The following SMG1 variants were observed in gnomAD, a reference collection of about 807,000 sequenced individuals.
SMG1 encodes serine/threonine-protein kinase SMG1.
In SMG1, 22 loss-of-function variants were observed where a neutral mutation model predicts 419.9. The observed-to-expected ratio is 0.05, with a 90% CI of 0.04 to 0.07. SMG1 has a LOEUF of 0.07. Among genes scored for constraint, SMG1 ranks in the 10% least tolerant of loss-of-function variants. The pLI, the probability that SMG1 is intolerant of heterozygous loss-of-function variation, is 1.00. For missense variants in SMG1, 3,185 were observed against 4,342.0 expected, an observed-to-expected ratio of 0.73 and a Z score of 7.49; for synonymous variants, 1,538 against 1,553.5, an observed-to-expected ratio of 0.99 and a Z score of 0.23.
At chr16:18,864,881 G>T (rs1018328158) in intron 23 of SMG1, among the ~76,000 whole-genome samples, 1 of 152,178 alleles carries the variant, frequency 6.6e-6, no homozygotes, top group African/African-American at 2.4e-5. Context: ...ATGGTGGGGG[G>T]AGGTTTGATG....
At position 18,847,578 on chromosome 16, in the gene SMG1, C is replaced by T. The variant is rs1477601889; in HGVS notation, c.5871G>A (p.Arg1957=). The change falls in exon 38 of 63, where the codon AGG becomes AGA. Residue 1957 remains arginine (R), a synonymous_variant. Transcript: ENST00000446231. ...AGAGCTCATCCCAGAGCACAGTGAC[C>T]CTGCGCAGTTCAGCCACGAGCATCT... ...QVQMLVAELR[R]VTVLWDELWL... The T allele has an allele frequency of 2.5e-6, 4 of 1,613,964 alleles. No individual in the cohort carries two copies. The highest frequency in any genetic ancestry group is 3.4e-6 in the Non-Finnish European group (4 of 1,179,888).
At chr16:18,878,030 T>C (rs2036217459) in intron 11 of SMG1, 1 of 152,204 alleles carries the variant, frequency 6.6e-6, no homozygotes, top group African/African-American at 2.4e-5. Context: ...TGTACAAATT[T>C]ATTATACTAT....
rs762544710 is a variant in SMG1 at position 18,864,137 on chromosome 16, T to G, written c.3358A>C (p.Lys1120Gln). The change falls in exon 24 of 63, where the codon AAG becomes CAG. Residue 1120 changes from lysine (K) to glutamine (Q), a missense_variant. Lys to Gln is a moderately conservative substitution (Grantham distance 53, BLOSUM62 1). Transcript: ENST00000446231. The part of the protein sequence containing the change: ...VAQQAEGRFE[K>Q]ASVEYQEHLC... Reference sequence around the variant, plus strand: ...TGTTCCTGGTACTCCACAGAGGCCTTTTCAAACCTGAAAAGCAAATTGAAG... The same window carrying G: ...TGTTCCTGGTACTCCACAGAGGCCTGTTCAAACCTGAAAAGCAAATTGAAG... 3.5e-5 allele frequency: 54 copies of G among 1,522,012 alleles called. No homozygotes were observed. Among genetic ancestry groups the G allele is most frequent in the Non-Finnish European group, 4.4e-5 (50 of 1,137,792 alleles). The allele number at this position is 1,522,012 out of a possible 1,614,324, so 94.3% of individuals were successfully genotyped here.
In SMG1 at chr16:18,882,237, A is replaced by G. The variant is rs544184868; in HGVS notation, c.1221T>C (p.Thr407=). 3 of 1,610,062 alleles carry G rather than the reference A, an allele frequency of 1.9e-6. No individual in the cohort carries two copies. Among genetic ancestry groups the G allele is most frequent in the African/African-American group, 1.3e-5 (1 of 74,942 alleles). The part of the protein sequence containing the change: ...KLAALLRVFS[T]VVRSIGERFS... ...AGCGTTCCCCAATGCTCCTCACCAC[A>G]GTACTAAATACCCGGAGAAGTGCAG... Residue 407 remains threonine, a synonymous_variant, in exon 10 of 63, where the codon ACT becomes ACC. Transcript: ENST00000446231.
At chr16:18,891,622 T>G (rs949938492) in intron 4 of SMG1, among the ~76,000 whole-genome samples, 23 of 151,978 alleles carry the variant, frequency 1.5e-4, no homozygotes, top group African/African-American at 4.8e-4. Flanking sequence ...TTAGTAGAGA[T>G]GGGGCTTCAC....
rs2030746035 is a variant in SMG1, at chr16:18,805,565, G to A, written c.*4004C>T. ...ACTGTTATCCAGGCCTAAAAAGCAG[G>A]AAGTGCAACAAACCCTTAGGGTTTC... On this transcript the variant is annotated 3_prime_UTR_variant, in exon 63 of 63. Transcript: ENST00000446231. 1 of 152,154 alleles carries A rather than the reference G, an allele frequency of 6.6e-6. No homozygotes were observed. The highest frequency in any genetic ancestry group is 1.5e-5 in the Non-Finnish European group (1 of 68,028). The allele number at this position is 152,154 out of a possible 1,614,324, so 9.4% of individuals were successfully genotyped here.
intron 6 of SMG1, among the ~76,000 whole-genome samples, chr16:18,888,506 G>A (rs1162864065): frequency 6.6e-6 from 1 of 150,672 alleles, no homozygotes; most frequent in Non-Finnish European, 1.5e-5. Context: ...GACAGAGTCT[G>A]GCTCTGTTGC....
chr16:18,827,979 T>C (rs2032869322), intron 55 of SMG1, 52 bp downstream of exon 55: 1 of 1,564,398 alleles, frequency 6.4e-7, no homozygotes, highest in African/African-American at 1.4e-5. Flanking sequence ...ATCATAGTAT[T>C]GGTTATTTCT....
At chr16:18,916,361 A>C (rs1209865661) in intron 1 of SMG1, among the ~76,000 whole-genome samples, 2 of 151,260 alleles carry the variant, frequency 1.3e-5, no homozygotes, top group Non-Finnish European at 2.9e-5. Flanking sequence ...CAAAAATACA[A>C]AAAATTAGCT....
In SMG1 at chr16:18,853,682, C is replaced by T; in HGVS notation, c.4669G>A (p.Gly1557Ser). 6.2e-7 allele frequency: 1 copy of T among 1,613,512 alleles called. No homozygotes were observed. Among genetic ancestry groups the T allele is most frequent in the African/African-American group, 1.3e-5 (1 of 75,028 alleles). The change falls in exon 31 of 63, where the codon GGT becomes AGT. Residue 1557 changes from glycine (G) to serine (S), a missense_variant. This residue lies in a region of SMG1 where 493 missense variants were observed against 552.9 expected (regional missense o/e 0.89). Transcript: ENST00000446231. Reference protein sequence around the residue: ...YRAQHQQNFTGLSTLSKNILT... With the variant: ...YRAQHQQNFTSLSTLSKNILT... ...ATGTTTTTAGACAAAGTAGAAAGAC[C>T]TGTGAAGTTCTGTTGGTGCTGAGCT...
chr16:18,926,004 C>A lies in SMG1; in HGVS notation c.38G>T (p.Gly13Val). 1 of 1,581,334 alleles carries A rather than the reference C, an allele frequency of 6.3e-7. No homozygotes were observed. The highest frequency in any genetic ancestry group is 8.5e-7 in the Non-Finnish European group (1 of 1,170,528). Residue 13 changes from glycine (G) to valine (V), a missense_variant, in exon 1 of 63, where the codon GGC becomes GTC. Physicochemically the swap from Gly to Val is moderately radical, Grantham distance 109. This residue lies in a region of SMG1 where 88 missense variants were observed against 85.9 expected (regional missense o/e 1.02). Transcript: ENST00000446231. The stretch of plus-strand genomic sequence containing the variant: ...ATACTTGGTGCCGCCGCCGCCGCCG[C>A]CGCTGCTCAGCCGAGACCCCGGGGC... ...RRAPGSRLSS[G>V]GGGGGTKYPR... is the part of the protein sequence containing the mutation.
In SMG1 at chr16:18,884,112, A is replaced by C; in HGVS notation, c.1077T>G (p.Thr359=). Residue 359 remains threonine (T), a synonymous_variant, in exon 9 of 63, where the codon ACT becomes ACG. Coordinates refer to ENST00000446231, the MANE Select transcript of SMG1 (RefSeq NM_015092.5). Reference sequence around the variant, plus strand: ...TGTCTTCCAGAAACTGACCAAGAAGAGTAGTAGAAAATGCAAGATCAGCTA... The same window carrying C: ...TGTCTTCCAGAAACTGACCAAGAAGCGTAGTAGAAAATGCAAGATCAGCTA... ...FWVADLAFST[T]LLGQFLEDME... is the part of the protein sequence containing the mutation. 6.2e-7 allele frequency: 1 copy of C among 1,607,128 alleles called. No individual in the cohort carries two copies. Among genetic ancestry groups the C allele is most frequent in the South Asian group, 1.1e-5 (1 of 90,284 alleles).
At chr16:18,923,631 T>C (rs2038281316) in intron 1 of SMG1, among the ~76,000 whole-genome samples, 1 of 146,774 alleles carries the variant, frequency 6.8e-6, no homozygotes, top group South Asian at 2.1e-4. Flanking sequence ...CAAGACTCCA[T>C]CTCAGGAAGG....
In SMG1 at chr16:18,839,828, C is replaced by T. The variant is rs1567346847; in HGVS notation, c.6815G>A (p.Arg2272His). ...KTVGLSLDVSRRDWPLHVMKA... is the reference protein window; with the variant it reads ...KTVGLSLDVSHRDWPLHVMKA... Reference sequence around the variant, plus strand: ...CATTACATGAAGAGGCCAATCCCGACGGGACACATCCAGGCTAAGCCCAAC... The same window carrying T: ...CATTACATGAAGAGGCCAATCCCGATGGGACACATCCAGGCTAAGCCCAAC... Residue 2272 changes from arginine (R) to histidine (H), a missense_variant, in exon 42 of 63, where the codon CGT becomes CAT. Physicochemically the swap from Arg to His is conservative, Grantham distance 29. This residue lies in a region of SMG1 where 132 missense variants were observed against 151.0 expected (regional missense o/e 0.87). Coordinates refer to ENST00000446231, the MANE Select transcript of SMG1 (RefSeq NM_015092.5). 1.9e-6 allele frequency: 3 copies of T among 1,613,940 alleles called. No individual in the cohort carries two copies. The highest frequency in any genetic ancestry group is 2.5e-6 in the Non-Finnish European group (3 of 1,179,874).
chr16:18,826,991 C>T (rs2032728303), intron 55 of SMG1, among the ~76,000 whole-genome samples: 1 of 40,258 alleles, frequency 2.5e-5, no homozygotes, highest in African/African-American at 7.1e-5. Flanking sequence ...GTCTGAAAAG[C>T]GTAATATTCG....
Position 18,830,032 on chromosome 16 carries a change from A to G in SMG1, c.9027T>C (p.Asp3009=). The G allele has an allele frequency of 6.3e-7, 1 of 1,598,780 alleles. No homozygotes were observed. ...CTAGCACCTGCCGGTGATTATCATC[A>G]TCAAAAAAATTAACTTGAGTACTCC... ...EARSTQVNFF[D]DDNHRQVLEE... The change falls in exon 53 of 63, where the codon GAT becomes GAC. Residue 3009 remains aspartate, a synonymous_variant. Transcript: ENST00000446231.
At chr16:18,887,588 A>C (rs1421766028) in intron 6 of SMG1, among the ~76,000 whole-genome samples, 1 of 127,392 alleles carries the variant, frequency 7.8e-6, no homozygotes, top group Admixed American at 9.1e-5. Context: ...TCCTGGACTC[A>C]GGCGATTCAC....
Position 18,888,799 on chromosome 16 carries a change from A to T in SMG1, c.822+573T>A, listed in dbSNP as rs190062487. Among the ~76,000 whole-genome samples, 260 of 148,702 alleles carry T rather than the reference A, an allele frequency of 1.7e-3. 1 individual carries two copies. The highest frequency in any genetic ancestry group is 6.2e-3 in the African/African-American group (247 of 40,132). On this transcript the variant is annotated intron_variant, in intron 6 of 62. Transcript: ENST00000446231. The stretch of plus-strand genomic sequence containing the variant: ...AAAAATCTTAAAACTAACTTATTTC[A>T]AATCTAACTTCAACATGTATCTTTT...
rs570020781 is a variant in SMG1, at chr16:18,872,667, A to G, written c.1891-43T>C. 2.8e-5 allele frequency: 37 copies of G among 1,307,886 alleles called. No homozygotes were observed. The African/African-American group carries it at 4.6e-4, about 16-fold the overall frequency. 81.0% of individuals were successfully genotyped at this position (1,307,886 alleles called of 1,614,324 possible). ...AAAGTAAGTTTATGGCTTCTCCAAA[A>G]TAAGCACAAGCATACAGAGTTTATC... On this transcript the variant is annotated intron_variant, in intron 13 of 62. Transcript: ENST00000446231.
Sources: allele counts gnomAD v4.1 joint callset (sites outside exome capture counted in the v4.1 genomes callset), GRCh38; gene constraint gnomAD v4.1.1; regional missense constraint gnomAD v4.1.1; transcripts MANE v1.5; gene names NCBI Gene and HGNC (gene_info 2026-07-23, HGNC 2026-07-21).